Variants in RANBP2 observed in about 807,000 individuals in gnomAD.
RANBP2 encodes the protein E3 SUMO-protein ligase RanBP2.
Under a neutral mutation model 303.6 loss-of-function variants are expected in RANBP2, and 57 were observed. That is an observed-to-expected ratio of 0.19 (90% CI 0.15 to 0.23). RANBP2 has a LOEUF of 0.23. RANBP2 is among the 10% of genes least tolerant of loss of function. RANBP2 has a pLI of 1.00. For missense variants in RANBP2, 3,138 were observed against 3,780.8 expected (o/e 0.83, Z 4.46); for synonymous variants, 1,167 against 1,301.5 (o/e 0.90, Z 2.23).
At chr2:109,613,551 C>G in the RANBP2 span, 35 of 246,296 alleles carry the variant, frequency 1.4e-4, no homozygotes, top group South Asian at 5.5e-3. Flanking sequence ...CAAGAACTCT[C>G]CCACCGTCCC....
At chr2:109,374,350 C>T in the RANBP2 span, among the ~76,000 whole-genome samples, 1 of 152,184 alleles carries the variant, frequency 6.6e-6, no homozygotes, top group Non-Finnish European at 1.5e-5. Context: ...CTCCCGGACT[C>T]TCAGCAGCCA....
chr2:109,272,317 G>A, the RANBP2 span, among the ~76,000 whole-genome samples: 1 of 152,192 alleles, frequency 6.6e-6, no homozygotes, highest in South Asian at 2.1e-4. Context: ...ATCCCCTGAG[G>A]GTACCTCTGA....
chr2:108,808,331 A>C, the RANBP2 span, among the ~76,000 whole-genome samples: 1 of 152,196 alleles, frequency 6.6e-6, no homozygotes, highest in African/African-American at 2.4e-5. Context: ...GGGAGTGCAG[A>C]TATCTCTTCA....
At chr2:109,222,664 G>A in the RANBP2 span, among the ~76,000 whole-genome samples, 1 of 152,190 alleles carries the variant, frequency 6.6e-6, no homozygotes, top group African/African-American at 2.4e-5. Flanking sequence ...GCCCTGTGGA[G>A]CCTGGCCAGG....
chr2:109,335,880 A>G, the RANBP2 span, among the ~76,000 whole-genome samples: 1 of 152,258 alleles, frequency 6.6e-6, no homozygotes, highest in Non-Finnish European at 1.5e-5. Flanking sequence ...TTGAAAGCAT[A>G]AAGTGAATGT....
chr2:109,191,965 G>A, the RANBP2 span, among the ~76,000 whole-genome samples: 7 of 152,060 alleles, frequency 4.6e-5, no homozygotes, highest in South Asian at 4.2e-4. Context: ...GACAAAAAGG[G>A]CCTCACACTC....
chr2:109,135,899 T>C, the RANBP2 span, among the ~76,000 whole-genome samples: 1 of 152,198 alleles, frequency 6.6e-6, no homozygotes, highest in Non-Finnish European at 1.5e-5. Context: ...AGCCATAATC[T>C]GCTTTAAAAA....
chr2:109,799,148 G>A, the RANBP2 span, among the ~76,000 whole-genome samples: 1 of 51,944 alleles, frequency 1.9e-5, no homozygotes, highest in Non-Finnish European at 3.2e-5. Flanking sequence ...TGCGCCTGTA[G>A]TCCCAGCTTG....
At chr2:108,919,302 A>G in the RANBP2 span, among the ~76,000 whole-genome samples, 1 of 152,216 alleles carries the variant, frequency 6.6e-6, no homozygotes, top group African/African-American at 2.4e-5. Context: ...GTCACTGATG[A>G]TAAGAAAACA....
the RANBP2 span, among the ~76,000 whole-genome samples, chr2:109,193,125 A>G: frequency 1.3e-5 from 2 of 152,236 alleles, no homozygotes; most frequent in African/African-American, 2.4e-5. Flanking sequence ...AACTCACAGC[A>G]GTTGGATTTT....
chr2:109,598,298 C>T, the RANBP2 span, among the ~76,000 whole-genome samples: 1 of 152,002 alleles, frequency 6.6e-6, no homozygotes, highest in African/African-American at 2.4e-5. Context: ...GAACTCCCAA[C>T]CTCAGGTGAT....
At chr2:109,419,281 C>G in the RANBP2 span, among the ~76,000 whole-genome samples, 1 of 152,178 alleles carries the variant, frequency 6.6e-6, no homozygotes, top group Non-Finnish European at 1.5e-5. Context: ...CAGTGTGATG[C>G]TGACCAGCCT....
chr2:109,505,051 C>T, the RANBP2 span, among the ~76,000 whole-genome samples: 2 of 152,204 alleles, frequency 1.3e-5, no homozygotes, highest in South Asian at 2.1e-4. Context: ...GTATTAACCT[C>T]GGAGACCAGC....
chr2:109,653,746 T>G, the RANBP2 span, among the ~76,000 whole-genome samples: 2 of 152,206 alleles, frequency 1.3e-5, no homozygotes, highest in Non-Finnish European at 2.9e-5. Flanking sequence ...CTTGACAATA[T>G]GCCAGGGAAG....
intron 1 of RANBP2, 112 bp from the exon 2 acceptor site, chr2:108,729,020 G>T: frequency 1.5e-6 from 2 of 1,297,974 alleles, no homozygotes; most frequent in Non-Finnish European, 2.1e-6. Flanking sequence ...ACTTTTAAGT[G>T]AATGAAAGTG....
At chr2:109,701,191 G>T in the RANBP2 span, among the ~76,000 whole-genome samples, 2 of 152,350 alleles carry the variant, frequency 1.3e-5, no homozygotes, top group South Asian at 4.2e-4. Context: ...TGCTGCAACT[G>T]GGGGCAGTTT....
chr2:109,512,257 G>A, the RANBP2 span, among the ~76,000 whole-genome samples: 97 of 152,198 alleles, frequency 6.4e-4, no homozygotes, highest in African/African-American at 2.3e-3. Context: ...GGTGACTGAC[G>A]TGTGGGCCCC....
chr2:109,308,957 G>A, the RANBP2 span, among the ~76,000 whole-genome samples: 1 of 81,006 alleles, frequency 1.2e-5, no homozygotes, highest in Non-Finnish European at 2.0e-5. Context: ...CCAATTCTGT[G>A]AAGAAAGTCA....
the RANBP2 span, among the ~76,000 whole-genome samples, chr2:109,247,290 G>A: frequency 6.6e-6 from 1 of 152,182 alleles, no homozygotes; most frequent in Non-Finnish European, 1.5e-5. Context: ...ACCAAGGATG[G>A]CTTTCAAGAG....
Sources: gnomAD v4.1 joint callset for allele counts (sites outside exome capture counted in the v4.1 genomes callset) on GRCh38, gnomAD v4.1.1 for gene constraint, MANE v1.5 for transcripts, NCBI Gene and HGNC (gene_info 2026-07-23, HGNC 2026-07-21) for gene names.